Variants in TTC7B observed in about 807,000 individuals in gnomAD.
TTC7B encodes tetratricopeptide repeat domain 7B, also known as tetratricopeptide repeat protein 7B.
Under a neutral mutation model 106.8 loss-of-function variants are expected in TTC7B, and 28 were observed. The ratio of observed to expected loss-of-function variants is 0.26; its 90% CI spans 0.19 to 0.36. The LOEUF (loss-of-function observed/expected upper bound fraction) is 0.36, where lower values mean the gene tolerates loss of function less well. Among genes scored for constraint, TTC7B ranks in the 10% least tolerant of loss-of-function variants. The pLI, the probability that TTC7B is intolerant of heterozygous loss-of-function variation, is 1.00. For synonymous variants in TTC7B, 405 were observed against 430.6 expected (o/e 0.94, Z 0.74); for missense variants, 862 against 1,076.4 (o/e 0.80, Z 2.79).
At chr14:90,550,280 C>T (rs928304671) in intron 19 of TTC7B, among the ~76,000 whole-genome samples, 2 of 152,206 alleles carry the variant, frequency 1.3e-5, no homozygotes, top group Admixed American at 6.5e-5. Flanking sequence ...TGTCTTCCTG[C>T]CCCTGCCTCA....
At chr14:90,693,188 C>T (rs953086642) in intron 6 of TTC7B, among the ~76,000 whole-genome samples, 2 of 152,142 alleles carry the variant, frequency 1.3e-5, no homozygotes, top group African/African-American at 4.8e-5. Flanking sequence ...GTTACATCAA[C>T]TGTGACATGT....
chr14:90,755,201 T>C (rs899458229), intron 3 of TTC7B, among the ~76,000 whole-genome samples: 2 of 152,242 alleles, frequency 1.3e-5, no homozygotes, highest in Non-Finnish European at 2.9e-5. Context: ...GGGCACACAT[T>C]TCCACTTCTC....
chr14:90,746,994 C>A (rs983816279), intron 3 of TTC7B, among the ~76,000 whole-genome samples: 32 of 152,154 alleles, frequency 2.1e-4, no homozygotes, highest in Non-Finnish European at 4.0e-4. Flanking sequence ...AACTCTTAAG[C>A]CCTCAGAATA....
At chr14:90,738,427 G>C (rs1889628321) in intron 4 of TTC7B, among the ~76,000 whole-genome samples, 1 of 152,092 alleles carries the variant, frequency 6.6e-6, no homozygotes. Flanking sequence ...TAGCCAACAT[G>C]ATGAAACCCT....
intron 6 of TTC7B, 88 bp from the exon 7 acceptor site, chr14:90,689,800 A>T (rs768438043): frequency 1.1e-4 from 165 of 1,463,102 alleles, no homozygotes; most frequent in Non-Finnish European, 1.4e-4. Flanking sequence ...TTATATCATC[A>T]CATTGTGCTA....
Position 90,529,273 on chromosome 14 carries a change from G to A in TTC7B, c.*12095C>T, listed in dbSNP as rs1194345928. ...CCGTCTGGCAAGGTGAGCTTGTCAG[G>A]GAGAGGCCGTAGCCCTCACCACCGC... On this transcript the variant is annotated 3_prime_UTR_variant, in exon 20 of 20. Transcript: ENST00000328459. The A allele has an allele frequency of 6.5e-6, 1 of 152,786 alleles. No individual in the cohort carries two copies. The highest frequency in any genetic ancestry group is 2.4e-5 in the African/African-American group (1 of 41,446). The allele number at this position is 152,786 out of a possible 1,614,324, so 9.5% of individuals were successfully genotyped here.
At chr14:90,553,604 TTC>T (rs1472957425) in intron 19 of TTC7B, among the ~76,000 whole-genome samples, 1 of 152,204 alleles carries the variant, frequency 6.6e-6, no homozygotes. Flanking sequence ...CACTTTGAAG[TTC>T]TCTGAGTCTT....
At chr14:90,786,940 G>A (rs1444424734) in intron 1 of TTC7B, among the ~76,000 whole-genome samples, 1 of 152,060 alleles carries the variant, frequency 6.6e-6, no homozygotes, top group African/African-American at 2.4e-5. Flanking sequence ...AAACAAAGGT[G>A]GCTTATGATG....
At chr14:90,700,023 A>G (rs957277390) in intron 5 of TTC7B, among the ~76,000 whole-genome samples, 24 of 152,326 alleles carry the variant, frequency 1.6e-4, no homozygotes, top group African/African-American at 5.3e-4. Context: ...CGAATGAACC[A>G]AGACAATGAG....
intron 18 of TTC7B, among the ~76,000 whole-genome samples, chr14:90,580,186 C>T (rs1891430729): frequency 6.6e-6 from 1 of 152,220 alleles, no homozygotes; most frequent in Non-Finnish European, 1.5e-5. Context: ...TCCCCAGGGA[C>T]TAGAACAGTG....
Position 90,608,267 on chromosome 14 carries a change from T to C in TTC7B, c.1966+2475A>G, listed in dbSNP as rs887879746. On this transcript the variant is annotated intron_variant, in intron 17 of 19. Transcript: ENST00000328459. The surrounding 1 kb of genome is among the most constrained non-coding windows in gnomAD (Gnocchi z 5.1). ...ATTGACACTGTCATTTCAGAATATT[T>C]TACCCTCGTTTACAAATATGATAAG... 6.6e-5 allele frequency among the ~76,000 whole-genome samples: 10 copies of C among 152,230 alleles called. No homozygotes were observed. The highest frequency in any genetic ancestry group is 2.4e-4 in the African/African-American group (10 of 41,466).
rs35000807 is a variant in TTC7B at position 90,669,535 on chromosome 14, C to CAAA, written c.1152+6985_1152+6987dup. 1.4e-3 allele frequency among the ~76,000 whole-genome samples: 129 copies of CAAA among 94,384 alleles called. 1 individual carries two copies. The highest frequency in any genetic ancestry group is 4.5e-3 in the African/African-American group (117 of 25,724). The allele number at this position is 94,384 out of a possible 152,430, so 61.9% of individuals were successfully genotyped here. On this transcript the variant is annotated intron_variant, in intron 9 of 19. Transcript: ENST00000328459. ...GCTGATTTCTACAGTCTCGTCTCTA[C>CAAA]AAAAAAAAAAAAAAGCAGGTGTGGT...
At position 90,524,767 on chromosome 14, in the gene TTC7B, A is replaced by G. The variant is rs1889107120; in HGVS notation, c.*16601T>C. ...GGGTTTCTGGCTAGAAACAGGGCTC[A>G]CCTCGGTCTCCTCCTAAGCCTGGAG... On this transcript the variant is annotated 3_prime_UTR_variant, in exon 20 of 20. Coordinates refer to ENST00000328459, the MANE Select transcript of TTC7B (RefSeq NM_001010854.2). 6.6e-6 allele frequency: 1 copy of G among 152,130 alleles called. No homozygotes were observed. Among genetic ancestry groups the G allele is most frequent in the Admixed American group, 6.5e-5 (1 of 15,286 alleles). 9.4% of individuals were successfully genotyped at this position (152,130 alleles called of 1,614,324 possible).
At chr14:90,788,529 T>A (rs546365990) in intron 1 of TTC7B, among the ~76,000 whole-genome samples, 23 of 151,968 alleles carry the variant, frequency 1.5e-4, no homozygotes, top group Admixed American at 3.3e-4. Context: ...AGCTTCGGAG[T>A]GTCATGCCTT....
At chr14:90,629,868 T>G (rs1313083223) in intron 15 of TTC7B, among the ~76,000 whole-genome samples, 1 of 152,180 alleles carries the variant, frequency 6.6e-6, no homozygotes, top group African/African-American at 2.4e-5. Flanking sequence ...ACAGGGAGGC[T>G]GGGATGCCCT....
chr14:90,698,822 T>C (rs141515047), intron 5 of TTC7B: 5 of 182,604 alleles, frequency 2.7e-5, no homozygotes, highest in African/African-American at 1.2e-4. Flanking sequence ...ATCACTGTCC[T>C]CAGCCCATTA....
chr14:90,612,929 A>G (rs1262767279), intron 16 of TTC7B, among the ~76,000 whole-genome samples: 1 of 152,198 alleles, frequency 6.6e-6, no homozygotes, highest in African/African-American at 2.4e-5. Context: ...CTGAATTTTG[A>G]ACCTCACCCC....
chr14:90,663,259 G>T lies in TTC7B; in HGVS notation c.1153-4872C>A, dbSNP rs1386601842. 6.6e-6 allele frequency among the ~76,000 whole-genome samples: 1 copy of T among 152,222 alleles called. No individual in the cohort carries two copies. Among genetic ancestry groups the T allele is most frequent in the Non-Finnish European group, 1.5e-5 (1 of 68,038 alleles). On this transcript the variant is annotated intron_variant, in intron 9 of 19. Transcript: ENST00000328459. The surrounding 1 kb of genome is among the most constrained non-coding windows in gnomAD (Gnocchi z 4.5). Reference sequence around the variant, plus strand: ...GAGTTGGTGGTGGAGCCAGCTGGGAGTGAAGCGGTCTGCTTCCAGAGACTG... The same window carrying T: ...GAGTTGGTGGTGGAGCCAGCTGGGATTGAAGCGGTCTGCTTCCAGAGACTG...
At chr14:90,571,736 A>G (rs570907985) in intron 19 of TTC7B, among the ~76,000 whole-genome samples, 1 of 152,246 alleles carries the variant, frequency 6.6e-6, no homozygotes, top group African/African-American at 2.4e-5. Flanking sequence ...AGTCTATTTC[A>G]TCAGCTTAAT....
Sources: gnomAD v4.1 joint callset for allele counts (sites outside exome capture counted in the v4.1 genomes callset) on GRCh38, gnomAD v4.1.1 for gene constraint, Gnocchi (gnomAD v3.1) non-coding constraint, MANE v1.5 for transcripts, NCBI Gene and HGNC (gene_info 2026-07-23, HGNC 2026-07-21) for gene names.